Variants in STXBP3 observed in about 807,000 individuals in gnomAD.
STXBP3 encodes the protein syntaxin-binding protein 3.
A neutral mutation model predicts 85.7 loss-of-function variants in STXBP3; 41 were observed. The ratio of observed to expected loss-of-function variants is 0.48; its 90% confidence interval spans 0.37 to 0.62. The LOEUF is 0.62. Ranked by LOEUF, STXBP3 falls within the 20% of genes least tolerant of loss-of-function variation. STXBP3 has a pLI of 0.00. For synonymous variants in STXBP3, 229 were observed against 231.7 expected (o/e 0.99, Z 0.10); for missense variants, 563 against 703.1 (o/e 0.80, Z 2.25).
chr1:108,773,835 C>CTG (rs1662526098), intron 7 of STXBP3, among the ~76,000 whole-genome samples: 2 of 150,192 alleles, frequency 1.3e-5, no homozygotes, highest in Admixed American at 1.3e-4. Flanking sequence ...AGCCAGGAAT[C>CTG]TTTTTTTTTT....
chr1:108,803,731 G>A (rs982181206), intron 17 of STXBP3, among the ~76,000 whole-genome samples: 2 of 152,150 alleles, frequency 1.3e-5, no homozygotes, highest in South Asian at 2.1e-4. Flanking sequence ...TTTGATCTAC[G>A]CACCTCGGCC....
chr1:108,759,874 T>C, intron 5 of STXBP3, 111 bp from the exon 6 acceptor site: 1 of 677,436 alleles, frequency 1.5e-6, no homozygotes, highest in Non-Finnish European at 2.6e-6. Flanking sequence ...GTCCTCATAA[T>C]AACTGTGAAA....
chr1:108,782,375 TGGAGGGAAA>T, intron 9 of STXBP3, 38 bp from the exon 10 acceptor site: 1 of 1,363,358 alleles, frequency 7.3e-7, no homozygotes, highest in Non-Finnish European at 1.0e-6. Context: ...CTTTTGATTT[TGGAGGGAAA>T]AAAATCAAAA....
At chr1:108,803,249 A>G (rs977136318) in intron 17 of STXBP3, among the ~76,000 whole-genome samples, 1 of 152,222 alleles carries the variant, frequency 6.6e-6, no homozygotes, top group African/African-American at 2.4e-5. Context: ...TGAACAATAC[A>G]AGAACCTTAG....
At chr1:108,749,529 C>G (rs1661860097) in intron 1 of STXBP3, among the ~76,000 whole-genome samples, 2 of 152,100 alleles carry the variant, frequency 1.3e-5, no homozygotes, top group African/African-American at 4.8e-5. Context: ...GAGATATATC[C>G]ATATTTAGGA....
chr1:108,808,678 C>A (rs1490324972), intron 18 of STXBP3, 105 bp from the exon 19 acceptor site: 1 of 849,378 alleles, frequency 1.2e-6, no homozygotes, highest in Non-Finnish European at 1.9e-6. Context: ...GTTACATTAC[C>A]CCAGGCTACT....
chr1:108,794,269 C>A (rs1027910073), intron 12 of STXBP3, among the ~76,000 whole-genome samples: 1 of 152,150 alleles, frequency 6.6e-6, no homozygotes, highest in Non-Finnish European at 1.5e-5. Context: ...TGATTGCCTC[C>A]TGTTGTATTA....
At chr1:108,808,388 T>G (rs1361094926) in intron 18 of STXBP3, among the ~76,000 whole-genome samples, 2 of 152,238 alleles carry the variant, frequency 1.3e-5, no homozygotes, top group East Asian at 3.8e-4. Flanking sequence ...AAGCCAATGA[T>G]AGGTAAACTC....
intron 17 of STXBP3, among the ~76,000 whole-genome samples, chr1:108,807,127 C>T (rs1438979882): frequency 6.6e-6 from 1 of 152,010 alleles, no homozygotes; most frequent in East Asian, 1.9e-4. Flanking sequence ...TGGCACATGC[C>T]TGTAATCCTA....
At position 108,782,720 on chromosome 1, in the gene STXBP3, T is replaced by A. The variant is rs563161681; in HGVS notation, c.963+14T>A. ...ACAGAAGGAAAGGTAAGAGTCTTACTTAACTTTCAAAGTAATAGTGAAGGT... is the reference window on the plus strand; with the variant it reads ...ACAGAAGGAAAGGTAAGAGTCTTACATAACTTTCAAAGTAATAGTGAAGGT... On this transcript the variant is annotated intron_variant, in intron 11 of 18. Transcript: ENST00000370008. 6.3e-7 allele frequency: 1 copy of A among 1,584,890 alleles called. No homozygotes were observed. The highest frequency in any genetic ancestry group is 2.2e-5 in the East Asian group (1 of 44,622).
chr1:108,746,718 T>C lies in STXBP3; in HGVS notation c.-20T>C, dbSNP rs770909882. On this transcript the variant is annotated 5_prime_UTR_variant, in exon 1 of 19. Coordinates refer to ENST00000370008, the MANE Select transcript of STXBP3 (RefSeq NM_007269.4). ...GTTGGGAGTGGAAGGTGGTGGCTGC[T>C]GCTCCGCAGTGTCGGGAAGATGGCG... 1 of 1,548,460 alleles carries C rather than the reference T, an allele frequency of 6.5e-7. No homozygotes were observed. Among genetic ancestry groups the C allele is most frequent in the Non-Finnish European group, 8.7e-7 (1 of 1,145,598 alleles).
intron 7 of STXBP3, among the ~76,000 whole-genome samples, chr1:108,774,222 G>A (rs188433623): frequency 6.6e-6 from 1 of 152,168 alleles, no homozygotes; most frequent in East Asian, 1.9e-4. Flanking sequence ...GTTCATGTGT[G>A]ACCCTCTCGC....
intron 1 of STXBP3, among the ~76,000 whole-genome samples, chr1:108,749,556 A>G (rs1187438178): frequency 6.6e-6 from 1 of 152,214 alleles, no homozygotes; most frequent in African/African-American, 2.4e-5. Flanking sequence ...AGAAATGGAT[A>G]TAAGGTCAAA....
intron 6 of STXBP3, among the ~76,000 whole-genome samples, chr1:108,761,921 C>T (rs562253428): frequency 6.4e-4 from 98 of 151,948 alleles, no homozygotes; most frequent in Non-Finnish European, 1.3e-3. Context: ...TGCAGTGAGC[C>T]GAGATGGCAC....
At position 108,782,447 on chromosome 1, in the gene STXBP3, G is replaced by C; in HGVS notation, c.835G>C (p.Glu279Gln). The change falls in exon 10 of 19, where the codon GAG becomes CAG. Residue 279 changes from glutamate to glutamine, a missense_variant. By Grantham distance (29) the Glu-to-Gln change is conservative (BLOSUM62 2). Transcript: ENST00000370008. ...ATATAAAACAGATGGAAAAGAAAAG[G>C]AGGCCATCCTTGAAGAAGAAGATGA... ...YKYKTDGKEK[E>Q]AILEEEDDLW... is the part of the protein sequence containing the mutation. 1 of 1,613,570 alleles carries C rather than the reference G, an allele frequency of 6.2e-7. No homozygotes were observed. The highest frequency in any genetic ancestry group is 1.7e-5 in the Admixed American group (1 of 59,932).
chr1:108,766,356 T>A (rs964221726), intron 6 of STXBP3, among the ~76,000 whole-genome samples: 1 of 152,188 alleles, frequency 6.6e-6, no homozygotes, highest in East Asian at 1.9e-4. Flanking sequence ...ATGCTTTGAT[T>A]TGCATGTGAC....
chr1:108,775,074 T>C (rs1208691954), intron 7 of STXBP3, among the ~76,000 whole-genome samples: 1 of 152,168 alleles, frequency 6.6e-6, no homozygotes, highest in Admixed American at 6.6e-5. Flanking sequence ...TTTAATTTAT[T>C]GTACAATTAA....
In STXBP3 at chr1:108,798,337, G is replaced by A. The variant is rs901852046; in HGVS notation, c.1449+100G>A. The A allele has an allele frequency of 8.6e-6, 7 of 815,900 alleles. No individual in the cohort carries two copies. In the African/African-American group the frequency reaches 1.1e-4, roughly 13 times the overall value. 50.5% of individuals were successfully genotyped at this position (815,900 alleles called of 1,614,324 possible). ...CAGTCTGAGTATATGTATTGGGCAGGAAGTTTCTGCAGTGGTTGGAGGCTT... is the reference window on the plus strand; with the variant it reads ...CAGTCTGAGTATATGTATTGGGCAGAAAGTTTCTGCAGTGGTTGGAGGCTT... On this transcript the variant is annotated intron_variant, in intron 16 of 18. Transcript: ENST00000370008.
intron 7 of STXBP3, among the ~76,000 whole-genome samples, chr1:108,773,812 A>G (rs1662525610): frequency 6.6e-6 from 1 of 152,158 alleles, no homozygotes; most frequent in Non-Finnish European, 1.5e-5. Flanking sequence ...AACGCCACAC[A>G]GACAGTGGCC....
Sources: gnomAD v4.1 joint callset for allele counts (sites outside exome capture counted in the v4.1 genomes callset) on GRCh38, gnomAD v4.1.1 for gene constraint, MANE v1.5 for transcripts, NCBI Gene and HGNC (gene_info 2026-07-23, HGNC 2026-07-21) for gene names.